ACY1: variants seen among roughly 807,000 people sequenced by gnomAD.
ACY1 encodes aminoacylase-1.
In ACY1, 38 loss-of-function variants were observed where a neutral mutation model predicts 53.3. That is an observed-to-expected ratio of 0.71 (90% CI 0.55 to 0.93). The LOEUF is 0.93. Among genes scored for constraint, ACY1 ranks in the 40% least tolerant of loss-of-function variants. The pLI, the probability that ACY1 is intolerant of heterozygous loss-of-function variation, is 0.00. For synonymous variants in ACY1, 177 were observed against 202.1 expected (o/e 0.88, Z 1.05); for missense variants, 484 against 540.9 (o/e 0.89, Z 1.04).
At chr3:51,984,439 G>A in intron 2 of ACY1, 1 of 509,706 alleles carries the variant, frequency 2.0e-6, no homozygotes. Flanking sequence ...GGTGGGGGAA[G>A]CCTGAGGCAG....
intron 2 of ACY1, chr3:51,984,750 G>C (rs1215730803): frequency 3.9e-6 from 1 of 257,430 alleles, no homozygotes; most frequent in Non-Finnish European, 7.6e-6. Context: ...GGGAGGTTGA[G>C]GCTGCAGTGA....
Position 51,985,093 on chromosome 3 carries a change from G to A in ACY1, c.95-114G>A, listed in dbSNP as rs1181845224. ...TGCAAGCATCTCTGAGGGATATGGA[G>A]TGTGTCGGGGAGGCAGCAGCCCATT... On this transcript the variant is annotated intron_variant, in intron 2 of 14. Coordinates refer to ENST00000636358, the MANE Select transcript of ACY1 (RefSeq NM_000666.3). 7 of 998,368 alleles carry A rather than the reference G, an allele frequency of 7.0e-6. No homozygotes were observed. The African/African-American group carries it at 8.0e-5, about 11-fold the overall frequency. The allele number at this position is 998,368 out of a possible 1,614,324, so 61.8% of individuals were successfully genotyped here.
intron 1 of ACY1, 112 bp from the exon 2 acceptor site, chr3:51,983,935 G>A (rs1700969443): frequency 2.6e-6 from 2 of 778,184 alleles, no homozygotes; most frequent in African/African-American, 1.7e-5. Flanking sequence ...TCCGAAACAC[G>A]GTATCCTACC....
In ACY1 at chr3:51,986,659, G is replaced by A; in HGVS notation, c.581G>A (p.Trp194Ter). The change falls in exon 8 of 15, where the codon TGG (tryptophan) becomes TAG (stop). Residue 194 changes from tryptophan to a stop codon, truncating the protein, a stop_gained and splice_region_variant. Transcript: ENST00000636358. LOFTEE classifies it high-confidence loss of function. The part of the protein sequence containing the change: ...FTVFYSERSP[W>*]WVRVTSTGRP... ...GTCTTTTATAGTGAGCGGAGTCCCT[G>A]GTGTAAGTATGAGCTTGGAGGGAGG... 1.2e-6 allele frequency: 2 copies of A among 1,613,990 alleles called. No individual in the cohort carries two copies. The highest frequency in any genetic ancestry group is 1.7e-6 in the Non-Finnish European group (2 of 1,180,008).
Position 51,986,619 on chromosome 3 carries a change from A to T in ACY1, c.541A>T (p.Thr181Ser), listed in dbSNP as rs756943526. The T allele has an allele frequency of 1.2e-6, 2 of 1,614,148 alleles. No individual in the cohort carries two copies. The highest frequency in any genetic ancestry group is 1.7e-6 in the Non-Finnish European group (2 of 1,180,016). The change falls in exon 8 of 15, where the codon ACT becomes TCT. Residue 181 changes from threonine (T) to serine (S), a missense_variant. Physicochemically the swap from Thr to Ser is moderately conservative, Grantham distance 58 (BLOSUM62 1). Transcript: ENST00000636358. ...FALDEGIANP[T>S]DAFTVFYSER... ...TCCCTCCTCAGGCATAGCCAATCCC[A>T]CTGATGCCTTCACTGTCTTTTATAG... is the stretch of plus-strand genomic sequence containing the variant.
intron 12 of ACY1, chr3:51,988,250 A>G: frequency 1.8e-6 from 1 of 557,656 alleles, no homozygotes; most frequent in Non-Finnish European, 3.2e-6. Context: ...AACTAGTCTG[A>G]GAGGTCTGGG....
At chr3:51,986,161 G>C in intron 5 of ACY1, 94 bp from the exon 6 acceptor site, 1 of 1,356,804 alleles carries the variant, frequency 7.4e-7, no homozygotes, top group Admixed American at 1.9e-5. Context: ...GCAGGGTAAA[G>C]TCCAGGACAC....
chr3:51,985,894 G>A lies in ACY1; in HGVS notation c.307G>A (p.Glu103Lys). The change falls in exon 5 of 15, where the codon GAG becomes AAG. Residue 103 changes from glutamate to lysine, a missense_variant. By Grantham distance (56) the Glu-to-Lys change is moderately conservative. Coordinates refer to ENST00000636358, the MANE Select transcript of ACY1 (RefSeq NM_000666.3). ...CCCCTTTGAGGCCTTCAAGGATTCT[G>A]AGGGCTACATCTATGCCAGGGGTGC... is the stretch of plus-strand genomic sequence containing the variant. The part of the protein sequence containing the change: ...HDPFEAFKDS[E>K]GYIYARGAQD... 6.2e-7 allele frequency: 1 copy of A among 1,613,730 alleles called. No individual in the cohort carries two copies. Among genetic ancestry groups the A allele is most frequent in the Non-Finnish European group, 8.5e-7 (1 of 1,179,844 alleles).
At chr3:51,984,247 T>A in intron 2 of ACY1, 89 bp downstream of exon 2, 2 of 1,234,178 alleles carry the variant, frequency 1.6e-6, no homozygotes, top group Non-Finnish European at 2.3e-6. Context: ...GTCACCCAGC[T>A]GAGCCCCACT....
At chr3:51,985,322 C>T (rs1251280826) in intron 3 of ACY1, 39 bp from the exon 4 acceptor site, 4 of 1,613,806 alleles carry the variant, frequency 2.5e-6, no homozygotes, top group Non-Finnish European at 3.4e-6. Flanking sequence ...GGCACTTCCT[C>T]ACCCTGCTCA....
In ACY1 at chr3:51,987,571, C is replaced by T. The variant is rs1436132846; in HGVS notation, c.868C>T (p.Leu290=). The change falls in exon 12 of 15, where the codon CTG becomes TTG. Residue 290 remains leucine, a synonymous_variant. Coordinates refer to ENST00000636358, the MANE Select transcript of ACY1 (RefSeq NM_000666.3). ...CTTCTCTTAGGCTTTTGAGGAGCAGCTGCAGAGCTGGTGCCAGGCAGCTGG... is the reference window on the plus strand; with the variant it reads ...CTTCTCTTAGGCTTTTGAGGAGCAGTTGCAGAGCTGGTGCCAGGCAGCTGG... ...DVDFKAFEEQ[L]QSWCQAAGEG... 1.9e-6 allele frequency: 3 copies of T among 1,614,114 alleles called. No homozygotes were observed. The highest frequency in any genetic ancestry group is 2.7e-5 in the African/African-American group (2 of 75,042).
intron 7 of ACY1, 41 bp downstream of exon 7, chr3:51,986,545 T>C (rs903577840): frequency 1.9e-6 from 3 of 1,613,668 alleles, no homozygotes; most frequent in East Asian, 2.2e-5. Flanking sequence ...AGGCAGGGAG[T>C]AGGAGGCTGC....
Position 51,985,418 on chromosome 3 carries a change from T to G in ACY1, c.217T>G (p.Ser73Ala), listed in dbSNP as rs764849379. 2 of 1,614,024 alleles carry G rather than the reference T, an allele frequency of 1.2e-6. No homozygotes were observed. The highest frequency in any genetic ancestry group is 1.7e-6 in the Non-Finnish European group (2 of 1,180,008). The part of the protein sequence containing the change: ...LTWPGTNPTL[S>A]SILLNSHTDV... ...CTGGCCAGGCACCAACCCTACACTC[T>G]CCTCCATCTTGCTCAACTCCCACAC... The change falls in exon 4 of 15, where the codon TCC (serine) becomes GCC (alanine). Residue 73 changes from serine (S) to alanine (A), a missense_variant. Physicochemically the swap from Ser to Ala is moderately conservative, Grantham distance 99. Coordinates refer to ENST00000636358, the MANE Select transcript of ACY1 (RefSeq NM_000666.3).
intron 13 of ACY1, 53 bp from the exon 14 acceptor site, chr3:51,988,713 C>A: frequency 1.2e-6 from 2 of 1,607,088 alleles, no homozygotes; most frequent in Non-Finnish European, 1.7e-6. Flanking sequence ...TTCCTTTGCC[C>A]CTTCAATTCT....
intron 9 of ACY1, 23 bp downstream of exon 9, chr3:51,987,084 G>A (rs772747555): frequency 1.2e-6 from 2 of 1,613,966 alleles, no homozygotes; most frequent in African/African-American, 2.7e-5. Context: ...CCAGGAGGGA[G>A]TCTGGGAGTT....
Position 51,987,357 on chromosome 3 carries a change from CCTGA to C in ACY1, c.759_762del (p.Thr254SerfsTer2), listed in dbSNP as rs753999304. On this transcript the variant is annotated frameshift_variant, in exon 11 of 15. Transcript: ENST00000636358. LOFTEE classifies it high-confidence loss of function. Reference sequence around the variant, plus strand: ...AAGAGGGGTCCGTGACCTCCGTGAACCTGACTAAGCTAGAGGGTGGCGTGGCCTA... The same window carrying C: ...AAGAGGGGTCCGTGACCTCCGTGAACCTAAGCTAGAGGGTGGCGTGGCCTA... The C allele has an allele frequency of 3.5e-5, 57 of 1,614,038 alleles. No individual in the cohort carries two copies. Among genetic ancestry groups the C allele is most frequent in the South Asian group, 7.7e-5 (7 of 91,086 alleles).
At chr3:51,986,759 T>C in intron 8 of ACY1, 98 bp downstream of exon 8, 1 of 1,503,154 alleles carries the variant, frequency 6.7e-7, no homozygotes, top group Non-Finnish European at 9.2e-7. Context: ...AGTTGAGGCC[T>C]GAGAAGGCCT....
chr3:51,983,725 A>C, intron 1 of ACY1, 136 bp downstream of exon 1: 1 of 288,156 alleles, frequency 3.5e-6, no homozygotes, highest in Non-Finnish European at 6.3e-6. Context: ...GGGCGGGGGG[A>C]GTACAAGTCT....
intron 8 of ACY1, 92 bp from the exon 9 acceptor site, chr3:51,986,896 T>C (rs1701082325): frequency 1.4e-6 from 2 of 1,429,356 alleles, no homozygotes; most frequent in Non-Finnish European, 1.9e-6. Context: ...CAGAGGAGCC[T>C]GGAATGAGGG....
Sources: gnomAD v4.1 joint callset for allele counts on GRCh38, gnomAD v4.1.1 for gene constraint, MANE v1.5 for transcripts, NCBI Gene and HGNC (gene_info 2026-07-23, HGNC 2026-07-21) for gene names.